Variants in SLC1A3 observed in about 807,000 individuals in gnomAD.
SLC1A3 encodes the protein solute carrier family 1 member 3.
Under a neutral mutation model 48.1 loss-of-function variants are expected in SLC1A3, and 21 were observed. The observed-to-expected ratio is 0.44, with a 90% CI of 0.31 to 0.63. The LOEUF is 0.63. Ranked by LOEUF, SLC1A3 falls within the 20% of genes least tolerant of loss-of-function variation. SLC1A3 has a pLI of 0.08. For missense variants in SLC1A3, 546 were observed against 689.0 expected (o/e 0.79, Z 2.32); for synonymous variants, 239 against 251.4 (o/e 0.95, Z 0.47).
intron 3 of SLC1A3, among the ~76,000 whole-genome samples, chr5:36,663,839 G>A (rs987693018): frequency 1.4e-4 from 22 of 152,324 alleles, no homozygotes; most frequent in Admixed American, 1.0e-3. Flanking sequence ...ATCGTTCTCC[G>A]CTCTTCATGG....
intron 3 of SLC1A3, among the ~76,000 whole-genome samples, chr5:36,642,831 T>C (rs1740670213): frequency 2.0e-5 from 3 of 152,354 alleles, no homozygotes; most frequent in South Asian, 4.1e-4. Context: ...CCTTTGTGAC[T>C]GGCTTTTTTC....
chr5:36,636,391 C>T (rs1217011190), intron 3 of SLC1A3: 2 of 152,156 alleles, frequency 1.3e-5, no homozygotes, highest in African/African-American at 2.4e-5. Context: ...CTCCAGTATT[C>T]GGGCTTCCTT....
rs550452643 is a variant in SLC1A3 at position 36,683,746 on chromosome 5, G to A, written c.1290-118G>A. On this transcript the variant is annotated intron_variant, in intron 8 of 9. Transcript: ENST00000265113. ...ATCTCATTTACGTTTTTTCTGAAGC[G>A]CGTCCTCTTGTGTTACATGGCAAGT... The A allele has an allele frequency of 2.3e-4, 247 of 1,072,542 alleles. 6 individuals carry two copies. In the South Asian group the frequency reaches 3.0e-3, roughly 13 times the overall value. 66.4% of individuals were successfully genotyped at this position (1,072,542 alleles called of 1,614,324 possible).
intron 3 of SLC1A3, among the ~76,000 whole-genome samples, chr5:36,663,242 G>A (rs1741588046): frequency 6.6e-6 from 1 of 152,016 alleles, no homozygotes. Flanking sequence ...TAGAGACGGA[G>A]TCTCGCTCTG....
At chr5:36,670,774 C>T in intron 3 of SLC1A3, 1 of 549,458 alleles carries the variant, frequency 1.8e-6, no homozygotes, top group Non-Finnish European at 3.3e-6. Flanking sequence ...ATTGATTTGG[C>T]CATGTGAAAT....
chr5:36,658,604 C>A (rs781278281), intron 3 of SLC1A3, among the ~76,000 whole-genome samples: 2 of 152,080 alleles, frequency 1.3e-5, no homozygotes, highest in Non-Finnish European at 2.9e-5. Flanking sequence ...GATTTCTAAG[C>A]AGTTTTTTTT....
intron 6 of SLC1A3, among the ~76,000 whole-genome samples, chr5:36,677,590 C>T (rs1300455723): frequency 6.6e-6 from 1 of 152,162 alleles, no homozygotes; most frequent in Non-Finnish European, 1.5e-5. Context: ...TTAAGGGAGA[C>T]AGACAATAAA....
chr5:36,614,460 T>G (rs1282110748), intron 2 of SLC1A3, among the ~76,000 whole-genome samples: 1 of 152,084 alleles, frequency 6.6e-6, no homozygotes, highest in Non-Finnish European at 1.5e-5. Context: ...TAACGGGCTT[T>G]TAGATGCAGA....
intron 1 of SLC1A3, among the ~76,000 whole-genome samples, chr5:36,607,521 C>A (rs1289886685): frequency 1.3e-5 from 2 of 152,234 alleles, no homozygotes; most frequent in African/African-American, 4.8e-5. Flanking sequence ...TTCATCTCAT[C>A]TGTTCTAGAA....
At chr5:36,650,656 C>T (rs1350522854) in intron 3 of SLC1A3, among the ~76,000 whole-genome samples, 1 of 152,202 alleles carries the variant, frequency 6.6e-6, no homozygotes, top group Non-Finnish European at 1.5e-5. Context: ...ACATCTTTCT[C>T]TTTCCCCCAA....
intron 2 of SLC1A3, among the ~76,000 whole-genome samples, chr5:36,617,328 T>C (rs1322889456): frequency 6.6e-6 from 1 of 151,446 alleles, no homozygotes; most frequent in Admixed American, 6.6e-5. Context: ...CAAAGCGACA[T>C]TTTAGAAAGA....
intron 3 of SLC1A3, among the ~76,000 whole-genome samples, chr5:36,634,218 G>C (rs769394352): frequency 1.3e-4 from 20 of 152,132 alleles, no homozygotes; most frequent in Non-Finnish European, 2.4e-4. Flanking sequence ...TGAGGTTACA[G>C]TGAGCCAAGA....
intron 3 of SLC1A3, 110 bp downstream of exon 3, chr5:36,629,697 TAG>T: frequency 1.1e-6 from 1 of 890,912 alleles, no homozygotes. Flanking sequence ...TGCTCTGTTC[TAG>T]AAAAAAAAAA....
intron 2 of SLC1A3, among the ~76,000 whole-genome samples, chr5:36,619,285 G>A (rs1739571078): frequency 6.6e-6 from 1 of 152,180 alleles, no homozygotes; most frequent in African/African-American, 2.4e-5. Flanking sequence ...CAAAAGACCA[G>A]GGACCAGCAG....
chr5:36,665,713 G>A (rs1741713282), intron 3 of SLC1A3, among the ~76,000 whole-genome samples: 4 of 152,148 alleles, frequency 2.6e-5, no homozygotes, highest in Admixed American at 2.6e-4. Flanking sequence ...ATTCCACAGA[G>A]GAGGAAACTG....
intron 3 of SLC1A3, among the ~76,000 whole-genome samples, chr5:36,660,401 G>T (rs1045075727): frequency 2.0e-5 from 3 of 152,038 alleles, no homozygotes; most frequent in African/African-American, 7.3e-5. Flanking sequence ...AAGCTGAGAA[G>T]AAACTATGCA....
At chr5:36,680,992 A>T (rs1742422777) in intron 8 of SLC1A3, among the ~76,000 whole-genome samples, 1 of 152,024 alleles carries the variant, frequency 6.6e-6, no homozygotes, top group South Asian at 2.1e-4. Context: ...CATAATCAAG[A>T]GGTGGGGATT....
intron 3 of SLC1A3, among the ~76,000 whole-genome samples, chr5:36,663,461 G>A (rs1335455783): frequency 7.3e-6 from 1 of 137,470 alleles, no homozygotes; most frequent in Non-Finnish European, 1.5e-5. Context: ...GGCTGGTCCC[G>A]AACTCCTGAC....
chr5:36,618,912 C>T (rs1739554636), intron 2 of SLC1A3, among the ~76,000 whole-genome samples: 1 of 152,162 alleles, frequency 6.6e-6, no homozygotes, highest in African/African-American at 2.4e-5. Flanking sequence ...AATTAAATTA[C>T]CACTTCACAT....
Sources: gnomAD v4.1 joint callset for allele counts (sites outside exome capture counted in the v4.1 genomes callset) on GRCh38, gnomAD v4.1.1 for gene constraint, MANE v1.5 for transcripts, NCBI Gene and HGNC (gene_info 2026-07-23, HGNC 2026-07-21) for gene names.